EYS: variants seen among roughly 807,000 people sequenced by gnomAD.
EYS encodes protein eyes shut homolog.
EYS carries 250 observed loss-of-function variants against 282.1 expected under a neutral mutation model. The ratio of observed to expected loss-of-function variants is 0.89; its 90% confidence interval spans 0.80 to 0.98. The LOEUF is 0.98. EYS is among the 50% of genes least tolerant of loss of function. The probability of loss-of-function intolerance (pLI) is 0.00; values close to 1 mark genes in which losing one functional copy is unlikely to be tolerated. For missense variants in EYS, 4,016 were observed against 3,709.0 expected (o/e 1.08, Z -2.15); for synonymous variants, 1,355 against 1,282.9 (o/e 1.06, Z -1.20).
intron 26 of EYS, among the ~76,000 whole-genome samples, chr6:64,478,411 A>G (rs2150497620): frequency 6.6e-6 from 1 of 151,788 alleles, no homozygotes; most frequent in African/African-American, 2.4e-5. Flanking sequence ...GACAATTTTA[A>G]TATTTAAATG....
intron 21 of EYS, among the ~76,000 whole-genome samples, chr6:64,816,085 A>T (rs1331012399): frequency 1.3e-5 from 2 of 152,008 alleles, no homozygotes; most frequent in Non-Finnish European, 2.9e-5. Flanking sequence ...ATTTTTTAGC[A>T]TTGGTGTTTT....
At chr6:63,884,784 A>G (rs991722786) in intron 35 of EYS, among the ~76,000 whole-genome samples, 4 of 152,148 alleles carry the variant, frequency 2.6e-5, no homozygotes, top group African/African-American at 9.7e-5. Flanking sequence ...GGAAAAATCA[A>G]TCTATACTAT....
chr6:64,517,949 C>T (rs1281407806), intron 26 of EYS, among the ~76,000 whole-genome samples: 2 of 151,776 alleles, frequency 1.3e-5, no homozygotes, highest in East Asian at 3.9e-4. Flanking sequence ...GCTGATGTTG[C>T]CTATGTTTCA....
chr6:63,727,259 CCTT>C (rs1413995819), intron 41 of EYS, among the ~76,000 whole-genome samples: 1 of 151,618 alleles, frequency 6.6e-6, no homozygotes, highest in East Asian at 1.9e-4. Flanking sequence ...AATCTATATT[CCTT>C]CTTCTTTTCT....
At chr6:64,677,820 A>G (rs185069430) in intron 22 of EYS, among the ~76,000 whole-genome samples, 8 of 152,234 alleles carry the variant, frequency 5.3e-5, no homozygotes, top group Admixed American at 2.6e-4. Context: ...ATGAACTACA[A>G]TTTGTCTTAA....
chr6:65,268,753 C>G (rs1767822962), intron 12 of EYS, among the ~76,000 whole-genome samples: 1 of 151,730 alleles, frequency 6.6e-6, no homozygotes, highest in Admixed American at 6.6e-5. Context: ...ACTGCTAGAA[C>G]TAAACGCAAG....
intron 12 of EYS, among the ~76,000 whole-genome samples, chr6:65,289,806 A>T (rs1425190764): frequency 6.6e-6 from 1 of 151,120 alleles, no homozygotes; most frequent in Non-Finnish European, 1.5e-5. Flanking sequence ...ATTCTCTACA[A>T]TTGGAAGAAC....
rs116975892 is a variant in EYS, at chr6:63,936,626, A to G, written c.7055+47757T>C. Among the ~76,000 whole-genome samples, 138 of 152,334 alleles carry G rather than the reference A, an allele frequency of 9.1e-4. 1 individual carries two copies. In the East Asian group the frequency reaches 0.024, roughly 27 times the overall value. On this transcript the variant is annotated intron_variant, in intron 35 of 42. Coordinates refer to ENST00000503581, the MANE Select transcript of EYS (RefSeq NM_001142800.2). The stretch of plus-strand genomic sequence containing the variant: ...GATTCACCCATTTATTCACACATGC[A>G]TTCACTTATTTGTTCTTCTGTTTAT...
intron 2 of EYS, among the ~76,000 whole-genome samples, chr6:65,607,982 C>T (rs1396320375): frequency 1.3e-5 from 2 of 151,896 alleles, no homozygotes; most frequent in East Asian, 3.9e-4. Flanking sequence ...CTTTATCTTG[C>T]TAAAGAATAA....
intron 35 of EYS, among the ~76,000 whole-genome samples, chr6:63,948,513 C>A (rs747551935): frequency 6.6e-6 from 1 of 152,188 alleles, no homozygotes; most frequent in Admixed American, 6.6e-5. Context: ...ATCTCCCCAA[C>A]AAGATGCTGA....
intron 31 of EYS, among the ~76,000 whole-genome samples, chr6:64,217,051 A>G (rs1765951464): frequency 6.6e-6 from 1 of 152,204 alleles, no homozygotes; most frequent in Admixed American, 6.6e-5. Context: ...ATGAATGGAG[A>G]ATGATTTTAC....
chr6:63,938,808 T>C (rs1765148181), intron 35 of EYS, among the ~76,000 whole-genome samples: 1 of 152,220 alleles, frequency 6.6e-6, no homozygotes, highest in African/African-American at 2.4e-5. Flanking sequence ...AATTTCTAAG[T>C]CACACGTGTA....
At chr6:64,343,800 A>T (rs1315429217) in intron 29 of EYS, among the ~76,000 whole-genome samples, 1 of 152,150 alleles carries the variant, frequency 6.6e-6, no homozygotes, top group Non-Finnish European at 1.5e-5. Flanking sequence ...CAAAATTGAT[A>T]GACTGCTAGC....
intron 35 of EYS, among the ~76,000 whole-genome samples, chr6:63,984,131 C>A (rs912218968): frequency 6.6e-6 from 1 of 151,670 alleles, no homozygotes; most frequent in African/African-American, 2.4e-5. Context: ...TTTGAAATTG[C>A]CAAAACCAGG....
At chr6:63,967,373 T>G (rs1482443) in intron 35 of EYS, among the ~76,000 whole-genome samples, 2,356 of 152,172 alleles carry the variant, frequency 0.015, 62 homozygotes, top group African/African-American at 0.053. Context: ...CTGTGGATAA[T>G]TGTGGACTAC....
chr6:65,527,032 AT>A (rs1767594485), intron 2 of EYS, among the ~76,000 whole-genome samples: 1 of 152,050 alleles, frequency 6.6e-6, no homozygotes, highest in Admixed American at 6.5e-5. Context: ...AGGTTAAGCA[AT>A]TTTCTCCTTC....
chr6:65,225,438 G>A (rs73441375), intron 12 of EYS, among the ~76,000 whole-genome samples: 4,961 of 151,986 alleles, frequency 0.033, 109 homozygotes, highest in African/African-American at 0.057. Flanking sequence ...CACATAGGCT[G>A]GGCACGGTGG....
Position 64,445,380 on chromosome 6 carries a change from T to C in EYS, c.5645-6028A>G, listed in dbSNP as rs1445176258. Reference sequence around the variant, plus strand: ...TACATTTTTATTGTCTAGAATTAAATAATAAACTTCTGCACTTAAGTTTTT... The same window carrying C: ...TACATTTTTATTGTCTAGAATTAAACAATAAACTTCTGCACTTAAGTTTTT... On this transcript the variant is annotated intron_variant, in intron 26 of 42. Coordinates refer to ENST00000503581, the MANE Select transcript of EYS (RefSeq NM_001142800.2). Among the ~76,000 whole-genome samples the C allele has an allele frequency of 2.6e-5, 4 of 152,150 alleles. No homozygotes were observed. In the East Asian group the frequency reaches 5.8e-4, roughly 22 times the overall value.
intron 13 of EYS, among the ~76,000 whole-genome samples, chr6:65,009,963 C>A (rs892848005): frequency 6.6e-6 from 1 of 152,124 alleles, no homozygotes; most frequent in African/African-American, 2.4e-5. Flanking sequence ...GGCAAAATAG[C>A]CAGACCATTA....
Sources: allele counts gnomAD v4.1 joint callset (sites outside exome capture counted in the v4.1 genomes callset), GRCh38; gene constraint gnomAD v4.1.1; transcripts MANE v1.5; gene names NCBI Gene and HGNC (gene_info 2026-07-23, HGNC 2026-07-21).